Variants in MUC17 observed in about 807,000 individuals in gnomAD.
MUC17 encodes the protein mucin-17.
In MUC17, 190 loss-of-function variants were observed where a neutral mutation model predicts 170.3. The ratio of observed to expected loss-of-function variants is 1.12; its 90% confidence interval spans 0.99 to 1.26. The LOEUF is 1.26. MUC17 is among the 50% of genes most tolerant of loss of function. The pLI, the probability that MUC17 is intolerant of heterozygous loss-of-function variation, is 0.00. For synonymous variants in MUC17, 2,325 were observed against 2,002.5 expected, an observed-to-expected ratio of 1.16 and a Z score of -4.30; for missense variants, 6,415 against 5,530.0, an observed-to-expected ratio of 1.16 and a Z score of -5.08.
At position 101,041,878 on chromosome 7, in the gene MUC17, C is replaced by T; in HGVS notation, c.10462C>T (p.Pro3488Ser). Residue 3488 changes from proline (P) to serine (S), a missense_variant, in exon 3 of 13, where the codon CCT becomes TCT. By Grantham distance (74) the Pro-to-Ser change is moderately conservative. Transcript: ENST00000306151. ...LSTTPVDTSTPVTTSSPTNSS... is the reference protein window; with the variant it reads ...LSTTPVDTSTSVTTSSPTNSS... The stretch of plus-strand genomic sequence containing the variant: ...AACAACTCCTGTTGACACCAGCACA[C>T]CTGTGACCACTTCTTCTCCAACCAA... The T allele has an allele frequency of 1.2e-6, 2 of 1,613,080 alleles. No individual in the cohort carries two copies. The highest frequency in any genetic ancestry group is 8.5e-7 in the Non-Finnish European group (1 of 1,179,762).
rs754949058 is a variant in MUC17 at position 101,034,961 on chromosome 7, C to T, written c.3545C>T (p.Thr1182Ile). 6.2e-7 allele frequency: 1 copy of T among 1,614,098 alleles called. No homozygotes were observed. ...VVSSEANTLS[T>I]TPVDSKTQVA... ...AGTTCTGAGGCTAACACCCTTTCAA[C>T]AACTCCTGTGGACTCCAAAACTCAG... The change falls in exon 3 of 13, where the codon ACA becomes ATA. Residue 1182 changes from threonine to isoleucine, a missense_variant. Coordinates refer to ENST00000306151, the MANE Select transcript of MUC17 (RefSeq NM_001040105.2).
At position 101,052,053 on chromosome 7, in the gene MUC17, C is replaced by G. The variant is rs549444951; in HGVS notation, c.13103+91C>G. 1.1e-5 allele frequency: 16 copies of G among 1,450,554 alleles called. No individual in the cohort carries two copies. The African/African-American group carries it at 1.1e-4, about 10-fold the overall frequency. The allele number at this position is 1,450,554 out of a possible 1,614,324, so 89.9% of individuals were successfully genotyped here. On this transcript the variant is annotated intron_variant, in intron 9 of 12. Transcript: ENST00000306151. Reference sequence around the variant, plus strand: ...TTCACCCCAGGCATTGCCTGGAGACCAAGGTCATGGGACTAGGTCCCAGCG... The same window carrying G: ...TTCACCCCAGGCATTGCCTGGAGACGAAGGTCATGGGACTAGGTCCCAGCG...
chr7:101,024,103 T>A (rs1039606166), intron 1 of MUC17, among the ~76,000 whole-genome samples: 5 of 151,890 alleles, frequency 3.3e-5, no homozygotes, highest in East Asian at 1.9e-4. Context: ...CTTTTTTTTT[T>A]AAAAGAGAAA....
intron 11 of MUC17, 118 bp downstream of exon 11, chr7:101,053,554 G>A (rs1002924141): frequency 2.9e-6 from 2 of 696,180 alleles, no homozygotes; most frequent in South Asian, 3.6e-5. Context: ...TATTACTTGA[G>A]GCCAGGAGCT....
rs1794766500 is a variant in MUC17, at chr7:101,043,185, C to T, written c.11769C>T (p.Thr3923=). 1 of 1,614,158 alleles carries T rather than the reference C, an allele frequency of 6.2e-7. No individual in the cohort carries two copies. Among genetic ancestry groups the T allele is most frequent in the Non-Finnish European group, 8.5e-7 (1 of 1,180,012 alleles). The change falls in exon 3 of 13, where the codon ACC becomes ACT. Residue 3923 remains threonine (T), a synonymous_variant. Transcript: ENST00000306151. ...CTCCCACAATTCCTGTAGCCACCAC[C>T]ATATCTGTATCAGTGATCACAGAAG... ...ASTPTIPVAT[T]ISVSVITEGS...
chr7:101,045,486 C>T (rs988162105), intron 3 of MUC17, among the ~76,000 whole-genome samples: 12 of 151,988 alleles, frequency 7.9e-5, no homozygotes, highest in Non-Finnish European at 1.2e-4. Flanking sequence ...CTCCACCTCC[C>T]GGGTTCAAGT....
chr7:101,024,046 T>C (rs1794139423), intron 1 of MUC17, among the ~76,000 whole-genome samples: 1 of 152,208 alleles, frequency 6.6e-6, no homozygotes, highest in African/African-American at 2.4e-5. Context: ...TTGAGAAGTG[T>C]CTGTTCATGG....
At position 101,043,361 on chromosome 7, in the gene MUC17, C is replaced by T. The variant is rs746157655; in HGVS notation, c.11945C>T (p.Thr3982Ile). 5.0e-6 allele frequency: 8 copies of T among 1,614,190 alleles called. No individual in the cohort carries two copies. The highest frequency in any genetic ancestry group is 1.7e-5 in the Admixed American group (1 of 60,022). The stretch of plus-strand genomic sequence containing the variant: ...CCATCAACCTCCAGTAGTAGTACCA[C>T]CACATCTTTTTCAACTACTAAGGAA... The part of the protein sequence containing the change: ...NTPSTSSSST[T>I]TSFSTTKEFT... Residue 3982 changes from threonine (T) to isoleucine (I), a missense_variant, in exon 3 of 13, where the codon ACC (threonine) becomes ATC (isoleucine). Transcript: ENST00000306151.
rs549587315 is a variant in MUC17, at chr7:101,032,431, A to G, written c.1015A>G (p.Thr339Ala). The stretch of plus-strand genomic sequence containing the variant: ...TGAAGGAAGCACTCCATTAACAAGT[A>G]CGCCTGCCAGCACCATGCCGGTTGC... ...YTEGSTPLTS[T>A]PASTMPVATS... Residue 339 changes from threonine to alanine, a missense_variant, in exon 3 of 13, where the codon ACG becomes GCG. Transcript: ENST00000306151. The G allele has an allele frequency of 1.9e-6, 3 of 1,613,702 alleles. No homozygotes were observed. The Admixed American group carries it at 5.0e-5, about 27-fold the overall frequency.
In MUC17 at chr7:101,026,722, C is replaced by T. The variant is rs923248214; in HGVS notation, c.83-4398C>T. 2.0e-5 allele frequency among the ~76,000 whole-genome samples: 3 copies of T among 152,200 alleles called. No homozygotes were observed. In the South Asian group the frequency reaches 6.2e-4, roughly 32 times the overall value. On this transcript the variant is annotated intron_variant, in intron 1 of 12. Coordinates refer to ENST00000306151, the MANE Select transcript of MUC17 (RefSeq NM_001040105.2). ...GCCTCAGCCTCCCAATTAGCTGGGA[C>T]TAGAGGTAAGCACCACCACGCCCGA...
intron 3 of MUC17, among the ~76,000 whole-genome samples, chr7:101,047,134 C>A (rs1471670225): frequency 7.3e-6 from 1 of 136,282 alleles, no homozygotes; most frequent in African/African-American, 2.8e-5. Context: ...AAAATAAGAT[C>A]TAAACTCCTC....
At position 101,038,480 on chromosome 7, in the gene MUC17, C is replaced by G. The variant is rs143165313; in HGVS notation, c.7064C>G (p.Thr2355Arg). ...ACCACAATGGTGGCCAGTTTTGAAA[C>G]AAGCACACTTTCTACAACTCCTGCT... ...VSTTMVASFETSTLSTTPADT... is the reference protein window; with the variant it reads ...VSTTMVASFERSTLSTTPADT... Residue 2355 changes from threonine to arginine, a missense_variant, in exon 3 of 13, where the codon ACA becomes AGA. Coordinates refer to ENST00000306151, the MANE Select transcript of MUC17 (RefSeq NM_001040105.2). The G allele has an allele frequency of 6.2e-7, 1 of 1,604,224 alleles. No homozygotes were observed. Among genetic ancestry groups the G allele is most frequent in the African/African-American group, 1.3e-5 (1 of 74,444 alleles).
chr7:101,037,564 C>T lies in MUC17; in HGVS notation c.6148C>T (p.Pro2050Ser), dbSNP rs951389546. The change falls in exon 3 of 13, where the codon CCT becomes TCT. Residue 2050 changes from proline to serine, a missense_variant. Pro to Ser is a moderately conservative substitution (Grantham distance 74, BLOSUM62 -1). Coordinates refer to ENST00000306151, the MANE Select transcript of MUC17 (RefSeq NM_001040105.2). ...SERTTPLAGMPVSTTLVVSSE... is the reference protein window; with the variant it reads ...SERTTPLAGMSVSTTLVVSSE... ...ACGGACCACTCCATTAGCAGGTATG[C>T]CTGTCAGCACTACGCTTGTGGTCAG... 1.2e-6 allele frequency: 2 copies of T among 1,613,836 alleles called. No homozygotes were observed. The highest frequency in any genetic ancestry group is 1.7e-6 in the Non-Finnish European group (2 of 1,179,832).
rs770506586 is a variant in MUC17, at chr7:101,031,238, CAAG to C, written c.184+19_184+21del. 1.2e-6 allele frequency: 2 copies of C among 1,605,450 alleles called. No homozygotes were observed. Among genetic ancestry groups the C allele is most frequent in the Non-Finnish European group, 1.7e-6 (2 of 1,175,572 alleles). ...TTAGGACAGGTAAGGCAACAGACTC[CAAG>C]ATCTATCTGGGAAGGTGGCTCACCT... On this transcript the variant is annotated intron_variant, in intron 2 of 12. Coordinates refer to ENST00000306151, the MANE Select transcript of MUC17 (RefSeq NM_001040105.2).
In MUC17 at chr7:101,039,410, C is replaced by T. The variant is rs1165810137; in HGVS notation, c.7994C>T (p.Thr2665Ile). ...TTPVDTRTLV[T>I]TSTGTSSSPT... ...CCTGTTGACACCAGGACACTTGTGA[C>T]CACTTCCACTGGAACCAGTTCATCT... is the stretch of plus-strand genomic sequence containing the variant. The change falls in exon 3 of 13, where the codon ACC becomes ATC. Residue 2665 changes from threonine to isoleucine, a missense_variant. Physicochemically the swap from Thr to Ile is moderately conservative, Grantham distance 89. Coordinates refer to ENST00000306151, the MANE Select transcript of MUC17 (RefSeq NM_001040105.2). 2 of 1,611,552 alleles carry T rather than the reference C, an allele frequency of 1.2e-6. No homozygotes were observed. The highest frequency in any genetic ancestry group is 1.7e-6 in the Non-Finnish European group (2 of 1,179,208).
rs1207788494 is a variant in MUC17 at position 101,043,428 on chromosome 7, T to C, written c.12012T>C (p.Tyr4004=). The C allele has an allele frequency of 1.2e-6, 2 of 1,614,158 alleles. No individual in the cohort carries two copies. The highest frequency in any genetic ancestry group is 1.7e-6 in the Non-Finnish European group (2 of 1,180,030). The part of the protein sequence containing the change: ...PAMTTAAPLT[Y]VTMSTAPSTP... ...TGACTACTGCAGCTCCCCTCACATA[T>C]GTGACCATGTCTACTGCCCCCAGCA... Residue 4004 remains tyrosine (Y), a synonymous_variant, in exon 3 of 13, where the codon TAT becomes TAC. Transcript: ENST00000306151.
chr7:101,039,490 A>C lies in MUC17; in HGVS notation c.8074A>C (p.Thr2692Pro). 6.2e-7 allele frequency: 1 copy of C among 1,610,762 alleles called. No homozygotes were observed. Among genetic ancestry groups the C allele is most frequent in the Admixed American group, 1.7e-5 (1 of 59,404 alleles). ...MPTSTPGERS[T>P]PLTNILVSTT... Reference sequence around the variant, plus strand: ...AACCTCAACTCCTGGTGAAAGAAGCACTCCATTAACAAATATACTTGTCAG... The same window carrying C: ...AACCTCAACTCCTGGTGAAAGAAGCCCTCCATTAACAAATATACTTGTCAG... The change falls in exon 3 of 13, where the codon ACT becomes CCT. Residue 2692 changes from threonine (T) to proline (P), a missense_variant. Coordinates refer to ENST00000306151, the MANE Select transcript of MUC17 (RefSeq NM_001040105.2).
chr7:101,056,366 A>G (rs1795045910), intron 12 of MUC17, 96 bp downstream of exon 12: 2 of 1,531,446 alleles, frequency 1.3e-6, no homozygotes, highest in African/African-American at 1.4e-5. Context: ...AAACAGAACC[A>G]TGTTTACAGT....
At chr7:101,045,081 T>A (rs574510646) in intron 3 of MUC17, among the ~76,000 whole-genome samples, 1 of 152,342 alleles carries the variant, frequency 6.6e-6, no homozygotes, top group South Asian at 2.1e-4. Flanking sequence ...TATTATAATA[T>A]CCTGTATATT....
Sources: allele counts gnomAD v4.1 joint callset (sites outside exome capture counted in the v4.1 genomes callset), GRCh38; gene constraint gnomAD v4.1.1; transcripts MANE v1.5; gene names NCBI Gene and HGNC (gene_info 2026-07-23, HGNC 2026-07-21).